ABAT: variants seen among roughly 807,000 people sequenced by gnomAD.
ABAT encodes 4-aminobutyrate aminotransferase, mitochondrial.
ABAT carries 45 observed loss-of-function variants against 64.6 expected under a neutral mutation model. The observed-to-expected ratio is 0.70, with a 90% CI of 0.55 to 0.89. The LOEUF is 0.89. Ranked by LOEUF, ABAT falls within the 40% of genes least tolerant of loss-of-function variation. The pLI, the probability that ABAT is intolerant of heterozygous loss-of-function variation, is 0.00. For synonymous variants in ABAT, 297 were observed against 250.5 expected, an observed-to-expected ratio of 1.19 and a Z score of -1.75; for missense variants, 633 against 658.4, an observed-to-expected ratio of 0.96 and a Z score of 0.42.
At chr16:8,759,102 A>G (rs963807979) in intron 6 of ABAT, among the ~76,000 whole-genome samples, 1 of 152,030 alleles carries the variant, frequency 6.6e-6, no homozygotes, top group African/African-American at 2.4e-5. Context: ...ACTTTATCCC[A>G]AAAAATAATA....
chr16:8,764,694 G>A lies in ABAT; in HGVS notation c.448-44G>A. 1 of 1,554,704 alleles carries A rather than the reference G, an allele frequency of 6.4e-7. No homozygotes were observed. Among genetic ancestry groups the A allele is most frequent in the Non-Finnish European group, 8.9e-7 (1 of 1,126,170 alleles). On this transcript the variant is annotated intron_variant, in intron 7 of 15. Coordinates refer to ENST00000268251, the MANE Select transcript of ABAT (RefSeq NM_020686.6). The surrounding 1 kb of genome is among the most constrained non-coding windows in gnomAD (Gnocchi z 4.2). Reference sequence around the variant, plus strand: ...CCAGCCAGGGGAAGCGGGAGGACAGGAGTCATGATGAGCCTGGGCTCACGG... The same window carrying A: ...CCAGCCAGGGGAAGCGGGAGGACAGAAGTCATGATGAGCCTGGGCTCACGG...
chr16:8,746,482 G>A (rs2059331890), intron 3 of ABAT, among the ~76,000 whole-genome samples: 1 of 152,052 alleles, frequency 6.6e-6, no homozygotes, highest in South Asian at 2.1e-4. Flanking sequence ...GAATCTGGGA[G>A]GCAGAGGTTG....
At position 8,748,057 on chromosome 16, in the gene ABAT, T is replaced by G. The variant is rs768176386; in HGVS notation, c.169-51T>G. 12 of 1,572,400 alleles carry G rather than the reference T, an allele frequency of 7.6e-6. No homozygotes were observed. The East Asian group carries it at 2.7e-4, about 35-fold the overall frequency. ...GAAAACATGAAAGATTTTAAGCTAT[T>G]TTGGCAAGAGTGTGGACTTGCTATA... On this transcript the variant is annotated intron_variant, in intron 3 of 15. Transcript: ENST00000268251.
intron 13 of ABAT, 140 bp downstream of exon 13, chr16:8,775,197 A>T (rs1430461155): frequency 1.8e-6 from 2 of 1,104,322 alleles, no homozygotes; most frequent in Admixed American, 4.0e-5. Flanking sequence ...GTTCTTATCA[A>T]TGCAATTAGC....
At chr16:8,772,638 A>G (rs1453869821) in intron 11 of ABAT, 142 bp from the exon 12 acceptor site, 1 of 1,178,338 alleles carries the variant, frequency 8.5e-7, no homozygotes, top group Non-Finnish European at 1.3e-6. Context: ...AGCTTCTAAC[A>G]GAGGCTTCAC....
chr16:8,779,204 C>G (rs1264162353), intron 14 of ABAT, among the ~76,000 whole-genome samples: 1 of 152,156 alleles, frequency 6.6e-6, no homozygotes, highest in Middle Eastern at 3.2e-3. Flanking sequence ...TTGAGTGGCC[C>G]AAGGTTATAC....
At position 8,774,883 on chromosome 16, in the gene ABAT, C is replaced by T. The variant is rs771443083; in HGVS notation, c.955-7C>T. Reference sequence around the variant, plus strand: ...TTATTTCTCCCTCCTCTCTCTTCTCCGGCCAGCATGGCTGCGCCTTCTTGG... The same window carrying T: ...TTATTTCTCCCTCCTCTCTCTTCTCTGGCCAGCATGGCTGCGCCTTCTTGG... On this transcript the variant is annotated splice_region_variant and splice_polypyrimidine_tract_variant and intron_variant, in intron 12 of 15. Coordinates refer to ENST00000268251, the MANE Select transcript of ABAT (RefSeq NM_020686.6). The T allele has an allele frequency of 3.0e-5, 49 of 1,613,782 alleles. No individual in the cohort carries two copies. The highest frequency in any genetic ancestry group is 1.9e-4 in the South Asian group (17 of 91,052).
At chr16:8,748,915 G>C (rs149005225) in intron 4 of ABAT, among the ~76,000 whole-genome samples, 1 of 152,202 alleles carries the variant, frequency 6.6e-6, no homozygotes, top group South Asian at 2.1e-4. Flanking sequence ...TGAATCTAAA[G>C]TGTCTCCTGT....
At chr16:8,701,302 T>C (rs1480344042) in intron 1 of ABAT, among the ~76,000 whole-genome samples, 1 of 152,234 alleles carries the variant, frequency 6.6e-6, no homozygotes, top group African/African-American at 2.4e-5. Flanking sequence ...CAGGAGCATA[T>C]AGTAGTGAGC....
rs368568293 is a variant in ABAT, at chr16:8,743,444, T to TATATAC, written c.71-2556_71-2555insTATACA. ...ACAGTTATATATATATATATATATA[T>TATATAC]ACACACATTTTATAATATATTATAT... On this transcript the variant is annotated intron_variant, in intron 2 of 15. Transcript: ENST00000268251. 3.2e-3 allele frequency among the ~76,000 whole-genome samples: 382 copies of TATATAC among 117,662 alleles called. 19 individuals carry two copies. The highest frequency in any genetic ancestry group is 4.8e-3 in the Non-Finnish European group (291 of 60,810). The allele number at this position is 117,662 out of a possible 152,430, so 77.2% of individuals were successfully genotyped here. A position where few individuals can be genotyped will look rare whatever the true frequency, so the allele number is the denominator to read the frequency against.
intron 2 of ABAT, chr16:8,737,518 T>A (rs1394450188): frequency 6.6e-6 from 1 of 151,154 alleles, no homozygotes; most frequent in African/African-American, 2.4e-5. Flanking sequence ...TTTTTAAAAA[T>A]TTTAGATTTA....
intron 11 of ABAT, among the ~76,000 whole-genome samples, chr16:8,772,392 T>G (rs931966711): frequency 6.6e-5 from 10 of 152,008 alleles, no homozygotes; most frequent in African/African-American, 2.4e-4. Context: ...ATGTTCCATG[T>G]AAAACAGAGG....
In ABAT at chr16:8,710,717, A is replaced by AGGGAGAGG. The variant is rs1555485672; in HGVS notation, c.-41-24981_-41-24980insGGAGAGGG. The stretch of plus-strand genomic sequence containing the variant: ...GACAGAGAGAGAGAGAGAGAGAGAG[A>AGGGAGAGG]GAGAGAGAGAGAGGAAATAGGCTCA... On this transcript the variant is annotated intron_variant, in intron 1 of 15. Coordinates refer to ENST00000268251, the MANE Select transcript of ABAT (RefSeq NM_020686.6). Among the ~76,000 whole-genome samples, 20 of 56,248 alleles carry AGGGAGAGG rather than the reference A, an allele frequency of 3.6e-4. No individual in the cohort carries two copies. In the East Asian group the frequency reaches 0.017, roughly 48 times the overall value. The allele number at this position is 56,248 out of a possible 152,430, so 36.9% of individuals were successfully genotyped here. A position where few individuals can be genotyped will look rare whatever the true frequency, so the allele number is the denominator to read the frequency against.
intron 1 of ABAT, among the ~76,000 whole-genome samples, chr16:8,731,716 G>A (rs188635129): frequency 1.1e-4 from 16 of 151,740 alleles, no homozygotes; most frequent in Admixed American, 5.9e-4. Flanking sequence ...TATACAGTAC[G>A]GTATTATAAG....
At chr16:8,716,047 G>T (rs114479367) in intron 1 of ABAT, among the ~76,000 whole-genome samples, 4,306 of 152,268 alleles carry the variant, frequency 0.028, 201 homozygotes, top group African/African-American at 0.098. Context: ...AGATTTTCCA[G>T]TGCCCAGGCT....
intron 15 of ABAT, 124 bp downstream of exon 15, chr16:8,779,714 A>G (rs1217507248): frequency 1.3e-6 from 1 of 758,720 alleles, no homozygotes; most frequent in Non-Finnish European, 2.3e-6. Context: ...AGGTCTGAAA[A>G]GAGCCTGAAT....
chr16:8,721,107 C>A (rs1384012988), intron 1 of ABAT, among the ~76,000 whole-genome samples: 1 of 152,172 alleles, frequency 6.6e-6, no homozygotes, highest in Non-Finnish European at 1.5e-5. Flanking sequence ...AACTGAGGCA[C>A]AGAGACGTTA....
In ABAT at chr16:8,781,300, C is replaced by T. The variant is rs1404962969; in HGVS notation, c.1382-9C>T. 2 of 1,614,058 alleles carry T rather than the reference C, an allele frequency of 1.2e-6. No homozygotes were observed. Among genetic ancestry groups the T allele is most frequent in the Non-Finnish European group, 1.7e-6 (2 of 1,179,974 alleles). On this transcript the variant is annotated splice_polypyrimidine_tract_variant and intron_variant, in intron 15 of 15. Coordinates refer to ENST00000268251, the MANE Select transcript of ABAT (RefSeq NM_020686.6). The surrounding 1 kb of genome is among the most constrained non-coding windows in gnomAD (Gnocchi z 4.5). The stretch of plus-strand genomic sequence containing the variant: ...ACCACGCTCCTCACCTACCTCCTGC[C>T]TCTTTCAGGTGTGGTGTTGGGTGGC...
intron 1 of ABAT, among the ~76,000 whole-genome samples, chr16:8,700,618 G>C (rs2057800283): frequency 6.6e-6 from 1 of 152,046 alleles, no homozygotes; most frequent in Non-Finnish European, 1.5e-5. Flanking sequence ...TTTTTAAAGA[G>C]ACATTGACTT....
Sources: allele counts gnomAD v4.1 joint callset (sites outside exome capture counted in the v4.1 genomes callset), GRCh38; gene constraint gnomAD v4.1.1; non-coding constraint Gnocchi (gnomAD v3.1); transcripts MANE v1.5; gene names NCBI Gene and HGNC (gene_info 2026-07-23, HGNC 2026-07-21).